The following PDGFC variants were observed in gnomAD, a reference collection of about 807,000 sequenced individuals.
PDGFC encodes the protein platelet derived growth factor C.
In PDGFC, 12 loss-of-function variants were observed where a neutral mutation model predicts 35.5. The ratio of observed to expected loss-of-function variants is 0.34; its 90% CI spans 0.22 to 0.55. The LOEUF is 0.55. PDGFC is among the 20% of genes least tolerant of loss of function. The pLI, the probability that PDGFC is intolerant of heterozygous loss-of-function variation, is 0.91. For missense variants in PDGFC, 322 were observed against 412.4 expected, an observed-to-expected ratio of 0.78 and a Z score of 1.90; for synonymous variants, 159 against 148.8, an observed-to-expected ratio of 1.07 and a Z score of -0.50.
intron 3 of PDGFC, among the ~76,000 whole-genome samples, chr4:156,810,237 A>G (rs955630723): frequency 3.3e-5 from 5 of 151,876 alleles, no homozygotes; most frequent in Non-Finnish European, 7.4e-5. Context: ...TTAAACTTTA[A>G]AAAGTTTTGG....
chr4:156,903,492 CAAAT>C (rs1324102005), intron 1 of PDGFC, among the ~76,000 whole-genome samples: 2 of 151,910 alleles, frequency 1.3e-5, no homozygotes, highest in Non-Finnish European at 2.9e-5. Flanking sequence ...TACACAGTAA[CAAAT>C]AACACAGCAG....
intron 3 of PDGFC, among the ~76,000 whole-genome samples, chr4:156,780,107 GTTTTTTTTT>G (rs35403686): frequency 8.0e-6 from 1 of 125,026 alleles, no homozygotes; most frequent in African/African-American, 2.9e-5. Flanking sequence ...CAAAATTAAG[GTTTTTTTTT>G]TTTTTTTTTT....
At position 156,928,051 on chromosome 4, in the gene PDGFC, C is replaced by T. The variant is rs144341805; in HGVS notation, c.118+42735G>A. Among the ~76,000 whole-genome samples the T allele has an allele frequency of 2.5e-3, 387 of 152,108 alleles. 1 individual carries two copies. Among genetic ancestry groups the T allele is most frequent in the African/African-American group, 8.7e-3 (361 of 41,474 alleles). On this transcript the variant is annotated intron_variant, in intron 1 of 5. Transcript: ENST00000502773. ...TAGGAAGATACAAAAGCGGAAACCC[C>T]GATAAAACCATCAGATTTCATGAGA... is the stretch of plus-strand genomic sequence containing the variant.
chr4:156,910,633 C>G (rs940351270), intron 1 of PDGFC, among the ~76,000 whole-genome samples: 1 of 152,098 alleles, frequency 6.6e-6, no homozygotes, highest in Non-Finnish European at 1.5e-5. Context: ...CTTCTTGAGA[C>G]GGCTGTAGCA....
intron 1 of PDGFC, among the ~76,000 whole-genome samples, chr4:156,884,271 G>A (rs1161408259): frequency 1.3e-5 from 2 of 152,098 alleles, no homozygotes; most frequent in Non-Finnish European, 2.9e-5. Context: ...AACCCTCAGG[G>A]CTGATTCCAA....
At chr4:156,863,776 T>A (rs1205619844) in intron 1 of PDGFC, among the ~76,000 whole-genome samples, 2 of 152,212 alleles carry the variant, frequency 1.3e-5, no homozygotes, top group East Asian at 3.9e-4. Context: ...TCATATTAAC[T>A]TAGAGAAGAC....
intron 1 of PDGFC, among the ~76,000 whole-genome samples, chr4:156,903,181 A>G (rs1004119332): frequency 6.6e-6 from 1 of 151,944 alleles, no homozygotes; most frequent in Admixed American, 6.6e-5. Context: ...GTTATTTCAA[A>G]GAAACCTTAA....
chr4:156,816,307 T>C (rs1292455236), intron 2 of PDGFC, among the ~76,000 whole-genome samples: 1 of 152,196 alleles, frequency 6.6e-6, no homozygotes, highest in Non-Finnish European at 1.5e-5. Context: ...GAGTCTAAGC[T>C]TGTTGAGAAA....
At chr4:156,770,373 T>C (rs980423035) in intron 4 of PDGFC, 5 of 152,098 alleles carry the variant, frequency 3.3e-5, no homozygotes, top group African/African-American at 1.2e-4. Flanking sequence ...AATTTGGCAT[T>C]TCATTTTGAA....
intron 1 of PDGFC, among the ~76,000 whole-genome samples, chr4:156,914,647 G>A (rs996613719): frequency 7.9e-5 from 12 of 152,116 alleles, no homozygotes; most frequent in African/African-American, 2.2e-4. Context: ...GTTGGTAGCC[G>A]AAAGCCATGT....
chr4:156,829,788 T>G (rs1376802231), intron 2 of PDGFC, among the ~76,000 whole-genome samples: 1 of 152,160 alleles, frequency 6.6e-6, no homozygotes. Context: ...TGAGTTATAT[T>G]CATATATTCA....
At chr4:156,888,613 G>A (rs965821795) in intron 1 of PDGFC, among the ~76,000 whole-genome samples, 1 of 152,070 alleles carries the variant, frequency 6.6e-6, no homozygotes, top group Non-Finnish European at 1.5e-5. Context: ...TCTTTTACCT[G>A]TTGCTTTGAT....
chr4:156,938,277 G>C (rs1560881916), intron 1 of PDGFC, among the ~76,000 whole-genome samples: 1 of 152,052 alleles, frequency 6.6e-6, no homozygotes, highest in African/African-American at 2.4e-5. Context: ...ATTCACTGTA[G>C]AGCAGATCCT....
At chr4:156,786,278 C>A (rs184415225) in intron 3 of PDGFC, among the ~76,000 whole-genome samples, 2 of 152,194 alleles carry the variant, frequency 1.3e-5, no homozygotes, top group Admixed American at 6.5e-5. Flanking sequence ...ACAGACCATG[C>A]ACAACATAAA....
chr4:156,970,023 GC>G (rs1171562610), intron 1 of PDGFC, among the ~76,000 whole-genome samples: 2 of 152,200 alleles, frequency 1.3e-5, no homozygotes, highest in African/African-American at 4.8e-5. Context: ...TATGAAAGGA[GC>G]CTTTCTCCAG....
chr4:156,823,378 GA>G (rs1343388610), intron 2 of PDGFC, among the ~76,000 whole-genome samples: 1 of 152,226 alleles, frequency 6.6e-6, no homozygotes, highest in Non-Finnish European at 1.5e-5. Flanking sequence ...AGATTAAACA[GA>G]GGGAGAATGT....
chr4:156,774,812 C>T (rs1207449718), intron 3 of PDGFC, among the ~76,000 whole-genome samples: 1 of 152,058 alleles, frequency 6.6e-6, no homozygotes, highest in African/African-American at 2.4e-5. Context: ...TCAGCTGTTA[C>T]TCCTTTCATC....
At chr4:156,908,923 C>T (rs1730979012) in intron 1 of PDGFC, among the ~76,000 whole-genome samples, 1 of 152,110 alleles carries the variant, frequency 6.6e-6, no homozygotes, top group Non-Finnish European at 1.5e-5. Context: ...AAAACACAGA[C>T]ATATGCCACA....
At chr4:156,800,212 T>A (rs1324641872) in intron 3 of PDGFC, among the ~76,000 whole-genome samples, 1 of 152,170 alleles carries the variant, frequency 6.6e-6, no homozygotes, top group Non-Finnish European at 1.5e-5. Context: ...TATTTTAATC[T>A]ATGTTCATTC....
Sources: gnomAD v4.1 joint callset for allele counts (sites outside exome capture counted in the v4.1 genomes callset) on GRCh38, gnomAD v4.1.1 for gene constraint, MANE v1.5 for transcripts, NCBI Gene and HGNC (gene_info 2026-07-23, HGNC 2026-07-21) for gene names.